The following POLD1 variants were observed in gnomAD, a reference collection of about 807,000 sequenced individuals.
POLD1 encodes the protein DNA polymerase delta 1, catalytic subunit.
In POLD1, 79 loss-of-function variants were observed where a neutral mutation model predicts 129.7. That is an observed-to-expected ratio of 0.61 (90% CI 0.51 to 0.73). The LOEUF (loss-of-function observed/expected upper bound fraction) is 0.73, where lower values mean the gene tolerates loss of function less well. Ranked by LOEUF, POLD1 falls within the 30% of genes least tolerant of loss-of-function variation. The pLI is 0.00. For missense variants in POLD1, 1,338 were observed against 1,595.8 expected, an observed-to-expected ratio of 0.84 and a Z score of 2.75; for synonymous variants, 714 against 683.3, an observed-to-expected ratio of 1.04 and a Z score of -0.70.
chr19:50,415,838 C>T lies in POLD1; in HGVS notation c.2820+12C>T, dbSNP rs567217817. 3.0e-5 allele frequency: 44 copies of T among 1,464,020 alleles called. No homozygotes were observed. In the East Asian group the frequency reaches 5.2e-4, roughly 17 times the overall value. The allele number at this position is 1,464,020 out of a possible 1,614,324, so 90.7% of individuals were successfully genotyped here. A position where few individuals can be genotyped will look rare whatever the true frequency, so the allele number is the denominator to read the frequency against. ...ACATGAAGTCGGAGGTCAGGCCCACCTGGCTGCCTGCTCCCGCCCAGCCCC... is the reference window on the plus strand; with the variant it reads ...ACATGAAGTCGGAGGTCAGGCCCACTTGGCTGCCTGCTCCCGCCCAGCCCC... On this transcript the variant is annotated intron_variant, in intron 22 of 26. Transcript: ENST00000440232.
In POLD1 at chr19:50,399,321, G is replaced by A. The variant is rs150837922; in HGVS notation, c.203-50G>A. 4.0e-4 allele frequency: 574 copies of A among 1,449,108 alleles called. 5 individuals are homozygous for A. The African/African-American group carries it at 7.0e-3, about 18-fold the overall frequency. 89.8% of individuals were successfully genotyped at this position (1,449,108 alleles called of 1,614,324 possible). ...TTCAGAACCACATGCCATCCTGGCCGGGGAAGACCATGACTCCATGTACTC... is the reference window on the plus strand; with the variant it reads ...TTCAGAACCACATGCCATCCTGGCCAGGGAAGACCATGACTCCATGTACTC... On this transcript the variant is annotated intron_variant, in intron 2 of 26. Transcript: ENST00000440232.
In POLD1 at chr19:50,402,260, G is replaced by A. The variant is rs377058651; in HGVS notation, c.645G>A (p.Ala215=). Residue 215 remains alanine (A), a synonymous_variant, in exon 6 of 27, where the codon GCG becomes GCA. Coordinates refer to ENST00000440232, the MANE Select transcript of POLD1 (RefSeq NM_002691.4). Reference sequence around the variant, plus strand: ...CCCCGTTCCTGCGCATCACCGTGGCGCTGCCGCGCCTCGTGGCCCCGGCCC... The same window carrying A: ...CCCCGTTCCTGCGCATCACCGTGGCACTGCCGCGCCTCGTGGCCCCGGCCC... The part of the protein sequence containing the change: ...GPSPFLRITV[A]LPRLVAPARR... The A allele has an allele frequency of 6.6e-5, 106 of 1,602,060 alleles. 2 individuals are homozygous for A. The highest frequency in any genetic ancestry group is 3.3e-4 in the Middle Eastern group (2 of 6,024).
chr19:50,399,479 A>C lies in POLD1; in HGVS notation c.311A>C (p.Tyr104Ser), dbSNP rs968051129. The C allele has an allele frequency of 6.2e-7, 1 of 1,607,672 alleles. No individual in the cohort carries two copies. The highest frequency in any genetic ancestry group is 8.5e-7 in the Non-Finnish European group (1 of 1,174,348). Reference protein sequence around the residue: ...LIFQQLEIDHYVGPAQPVPGG... With the variant: ...LIFQQLEIDHSVGPAQPVPGG... Reference sequence around the variant, plus strand: ...TTCCAACAGTTGGAGATTGACCATTATGTGGGTGAGTTTAGGGGTTATGGG... The same window carrying C: ...TTCCAACAGTTGGAGATTGACCATTCTGTGGGTGAGTTTAGGGGTTATGGG... Residue 104 changes from tyrosine (Y) to serine (S), a missense_variant, in exon 3 of 27, where the codon TAT (tyrosine) becomes TCT (serine). Physicochemically the swap from Tyr to Ser is moderately radical, Grantham distance 144. This residue lies in a region of POLD1 where 332 missense variants were observed against 315.7 expected (regional missense o/e 1.05). Transcript: ENST00000440232.
chr19:50,389,521 T>C (rs1041076186), intron 1 of POLD1, among the ~76,000 whole-genome samples: 4 of 152,130 alleles, frequency 2.6e-5, no homozygotes, highest in Non-Finnish European at 5.9e-5. Context: ...CGTTATTGAA[T>C]AGACGATTCT....
intron 3 of POLD1, among the ~76,000 whole-genome samples, chr19:50,400,211 A>ATTTTTTTTTTTTTTTTTTTTTTTTTT (rs549820323): frequency 1.5e-5 from 1 of 67,812 alleles, no homozygotes; most frequent in African/African-American, 6.8e-5. Context: ...CTGGCCAATA[A>ATTTTTTTTTTTTTTTTTTTTTTTTTT]TTTTTTTTTT....
rs977717767 is a variant in POLD1, at chr19:50,406,570, C to A, written c.1494+53C>A. The A allele has an allele frequency of 2.3e-6, 3 of 1,331,472 alleles. No homozygotes were observed. In the African/African-American group the frequency reaches 4.4e-5, roughly 19 times the overall value. 82.5% of individuals were successfully genotyped at this position (1,331,472 alleles called of 1,614,324 possible). A position where few individuals can be genotyped will look rare whatever the true frequency, so the allele number is the denominator to read the frequency against. On this transcript the variant is annotated intron_variant, in intron 12 of 26. Transcript: ENST00000440232. The surrounding 1 kb of genome is among the most constrained non-coding windows in gnomAD (Gnocchi z 5.5). ...CCCAACCTCTGACCTCCACCTCACC[C>A]TTCCCCGGCCTCTGACCTCAACTTC... is the stretch of plus-strand genomic sequence containing the variant.
In POLD1 at chr19:50,410,056, C is replaced by T. The variant is rs537061717; in HGVS notation, c.2154+390C>T. On this transcript the variant is annotated intron_variant, in intron 17 of 26. Coordinates refer to ENST00000440232, the MANE Select transcript of POLD1 (RefSeq NM_002691.4). ...ACTGTCGGGGAGTGATGGGGCTGGG[C>T]GGGACTCACCCCTCTCAATAGGCGA... is the stretch of plus-strand genomic sequence containing the variant. Among the ~76,000 whole-genome samples, 9 of 152,114 alleles carry T rather than the reference C, an allele frequency of 5.9e-5. No homozygotes were observed. The East Asian group carries it at 1.7e-3, about 29-fold the overall frequency.
intron 1 of POLD1, among the ~76,000 whole-genome samples, chr19:50,389,743 C>T (rs977130006): frequency 6.6e-6 from 1 of 151,820 alleles, no homozygotes; most frequent in South Asian, 2.1e-4. Flanking sequence ...TGCACCACCA[C>T]GCCCGGCTAA....
chr19:50,387,481 A>G (rs2038012335), intron 1 of POLD1, among the ~76,000 whole-genome samples: 1 of 152,136 alleles, frequency 6.6e-6, no homozygotes, highest in Non-Finnish European at 1.5e-5. Context: ...CCAAGCTCTC[A>G]TCCTGTGCCA....
chr19:50,414,913 G>T lies in POLD1; in HGVS notation c.2487G>T (p.Leu829=). 1.2e-6 allele frequency: 2 copies of T among 1,610,466 alleles called. No individual in the cohort carries two copies. Among genetic ancestry groups the T allele is most frequent in the Non-Finnish European group, 1.7e-6 (2 of 1,177,722 alleles). The change falls in exon 20 of 27, where the codon CTG becomes CTT. Residue 829 remains leucine, a synonymous_variant. Coordinates refer to ENST00000440232, the MANE Select transcript of POLD1 (RefSeq NM_002691.4). ...ACGACCGCATGGACTGCAAGGGCCT[G>T]GAGGCCGTGCGCAGGGACAACTGCC... ...DAHDRMDCKG[L]EAVRRDNCPL...
chr19:50,417,349 C>A, intron 26 of POLD1, 80 bp downstream of exon 26: 1 of 876,046 alleles, frequency 1.1e-6, no homozygotes, highest in African/African-American at 1.7e-5. Context: ...CAACCTCTGA[C>A]TCCAAGGCCT....
intron 10 of POLD1, 81 bp downstream of exon 10, chr19:50,403,678 C>T: frequency 1.1e-6 from 1 of 879,212 alleles, no homozygotes; most frequent in Non-Finnish European, 1.9e-6. Flanking sequence ...CCCACTCCCT[C>T]TCCACATGGC....
intron 1 of POLD1, among the ~76,000 whole-genome samples, chr19:50,392,153 C>G (rs1020335793): frequency 6.6e-6 from 1 of 152,228 alleles, no homozygotes; most frequent in Admixed American, 6.5e-5. Flanking sequence ...TCACTGCAGC[C>G]TTCACCTCCC....
At chr19:50,417,452 C>A (rs540119238) in intron 26 of POLD1, among the ~76,000 whole-genome samples, 183 bp downstream of exon 26, 1 of 152,188 alleles carries the variant, frequency 6.6e-6, no homozygotes, top group African/African-American at 2.4e-5. Context: ...TCCCAGCCCC[C>A]CAGAGGGGGT....
chr19:50,407,238 A>G, intron 13 of POLD1, 64 bp downstream of exon 13: 5 of 1,545,834 alleles, frequency 3.2e-6, no homozygotes, highest in Non-Finnish European at 4.4e-6. Context: ...CCTCCAGGCA[A>G]TGGCATCCTG....
chr19:50,413,781 G>A lies in POLD1; in HGVS notation c.2290G>A (p.Gly764Ser), dbSNP rs148838746. Residue 764 changes from glycine (G) to serine (S), a missense_variant, in exon 19 of 27, where the codon GGC becomes AGC. Gly to Ser is a moderately conservative substitution (Grantham distance 56). Transcript: ENST00000440232. ...CACTGACTCCGTCATGTGCCGATTC[G>A]GCGTGTCCTCGGTGGCTGAGGCGAT... ...GDTDSVMCRF[G>S]VSSVAEAMAL... 6.7e-5 allele frequency: 108 copies of A among 1,611,682 alleles called. No homozygotes were observed. Among genetic ancestry groups the A allele is most frequent in the Admixed American group, 1.2e-4 (7 of 59,874 alleles).
At chr19:50,387,212 G>A (rs764624833) in intron 1 of POLD1, among the ~76,000 whole-genome samples, 3 of 152,154 alleles carry the variant, frequency 2.0e-5, no homozygotes, top group Non-Finnish European at 2.9e-5. Context: ...AGCTACCTGC[G>A]AGGCTGAGGC....
At chr19:50,395,329 C>G (rs1322594247) in intron 1 of POLD1, among the ~76,000 whole-genome samples, 2 of 151,848 alleles carry the variant, frequency 1.3e-5, no homozygotes, top group East Asian at 3.9e-4. Context: ...GGCGCGGTGG[C>G]TCACACCTAT....
At chr19:50,417,725 G>A in intron 26 of POLD1, 117 bp from the exon 27 acceptor site, 2 of 640,552 alleles carry the variant, frequency 3.1e-6, no homozygotes, top group East Asian at 2.8e-5. Context: ...TGCGGGAGGG[G>A]GCGGGTGGGC....
Sources: gnomAD v4.1 joint callset for allele counts (sites outside exome capture counted in the v4.1 genomes callset) on GRCh38, gnomAD v4.1.1 for gene constraint, gnomAD v4.1.1 regional missense constraint, Gnocchi (gnomAD v3.1) non-coding constraint, MANE v1.5 for transcripts, NCBI Gene and HGNC (gene_info 2026-07-23, HGNC 2026-07-21) for gene names.